Variants in ZDHHC20 observed in about 807,000 individuals in gnomAD.
ZDHHC20 encodes zDHHC palmitoyltransferase 20, also known as palmitoyltransferase ZDHHC20.
In ZDHHC20, 43 loss-of-function variants were observed where a neutral mutation model predicts 57.8. The ratio of observed to expected loss-of-function variants is 0.74; its 90% CI spans 0.58 to 0.96. ZDHHC20 has a LOEUF of 0.96. ZDHHC20 is among the 40% of genes least tolerant of loss of function. The probability of loss-of-function intolerance (pLI) is 0.00; values close to 1 mark genes in which losing one functional copy is unlikely to be tolerated. For missense variants in ZDHHC20, 391 were observed against 441.1 expected, an observed-to-expected ratio of 0.89 and a Z score of 1.02; for synonymous variants, 157 against 153.0, an observed-to-expected ratio of 1.03 and a Z score of -0.19.
rs1340553763 is a variant in ZDHHC20 at position 21,374,859 on chromosome 13, C to G, written c.*1837G>C. Reference sequence around the variant, plus strand: ...CTCCAAAAAATTTACCGGGGCGGGGCGTGGTGGCTCACGCCTGTAATCCCA... The same window carrying G: ...CTCCAAAAAATTTACCGGGGCGGGGGGTGGTGGCTCACGCCTGTAATCCCA... On this transcript the variant is annotated 3_prime_UTR_variant, in exon 13 of 13. Transcript: ENST00000400590. 3.3e-6 allele frequency: 1 copy of G among 302,724 alleles called. No homozygotes were observed. Among genetic ancestry groups the G allele is most frequent in the Admixed American group, 4.7e-5 (1 of 21,098 alleles). The allele number at this position is 302,724 out of a possible 1,614,324, so 18.8% of individuals were successfully genotyped here.
At chr13:21,416,322 C>G (rs1160713311) in intron 3 of ZDHHC20, among the ~76,000 whole-genome samples, 1 of 151,130 alleles carries the variant, frequency 6.6e-6, no homozygotes. Context: ...AATATTCAAA[C>G]AGATCATAAT....
intron 1 of ZDHHC20, among the ~76,000 whole-genome samples, chr13:21,434,299 C>T (rs3858749): frequency 0.53 from 81,276 of 151,986 alleles, 23,761 homozygotes; most frequent in Non-Finnish European, 0.68. Flanking sequence ...AATTAGAATA[C>T]CCCATATTGC....
At chr13:21,424,710 CAAA>C (rs10709528) in intron 2 of ZDHHC20, among the ~76,000 whole-genome samples, 3 of 125,056 alleles carry the variant, frequency 2.4e-5, no homozygotes, top group Non-Finnish European at 1.7e-5. Context: ...GACTCTGTCT[CAAA>C]AAAAAAAAAA....
At chr13:21,386,259 A>C (rs1276435153) in intron 9 of ZDHHC20, among the ~76,000 whole-genome samples, 1 of 152,220 alleles carries the variant, frequency 6.6e-6, no homozygotes, top group Non-Finnish European at 1.5e-5. Flanking sequence ...TAACATGTGT[A>C]ATTGGAGTCC....
At chr13:21,450,824 A>G (rs1290023088) in intron 1 of ZDHHC20, among the ~76,000 whole-genome samples, 6 of 151,306 alleles carry the variant, frequency 4.0e-5, no homozygotes, top group Admixed American at 1.3e-4. Flanking sequence ...GTGTGATCAT[A>G]GCTCACTGCA....
chr13:21,422,038 A>G (rs1182960320), intron 2 of ZDHHC20, among the ~76,000 whole-genome samples: 1 of 152,190 alleles, frequency 6.6e-6, no homozygotes, highest in African/African-American at 2.4e-5. Flanking sequence ...TACTTATTTC[A>G]GTAAAGTTAG....
chr13:21,372,656 A>G lies in ZDHHC20; in HGVS notation c.*4040T>C, dbSNP rs1309198999. 1.3e-5 allele frequency: 2 copies of G among 152,228 alleles called. No individual in the cohort carries two copies. Among genetic ancestry groups the G allele is most frequent in the African/African-American group, 4.8e-5 (2 of 41,468 alleles). The allele number at this position is 152,228 out of a possible 1,614,324, so 9.4% of individuals were successfully genotyped here. On this transcript the variant is annotated 3_prime_UTR_variant, in exon 13 of 13. Transcript: ENST00000400590. ...TTTTAAAATGTTCTGTGTACATGTC[A>G]ATGTAGGTTAGGCCAGCCAAAAGAC...
At chr13:21,411,153 G>A (rs751554588) in intron 4 of ZDHHC20, among the ~76,000 whole-genome samples, 15 of 152,144 alleles carry the variant, frequency 9.9e-5, no homozygotes, top group Admixed American at 3.3e-4. Context: ...GTGAGGCGAC[G>A]CCCTACCCTG....
Position 21,376,370 on chromosome 13 carries a change from T to A in ZDHHC20, c.*326A>T. On this transcript the variant is annotated 3_prime_UTR_variant, in exon 13 of 13. Coordinates refer to ENST00000400590, the MANE Select transcript of ZDHHC20 (RefSeq NM_001330059.2). ...GGTATCAAAAAATACATATGCATGT[T>A]AAAATGTGATGACAGCTCATATTAT... 4.3e-6 allele frequency: 1 copy of A among 233,180 alleles called. No homozygotes were observed. The highest frequency in any genetic ancestry group is 8.3e-6 in the Non-Finnish European group (1 of 120,456). 14.4% of individuals were successfully genotyped at this position (233,180 alleles called of 1,614,324 possible). A position where few individuals can be genotyped will look rare whatever the true frequency, so the allele number is the denominator to read the frequency against.
intron 7 of ZDHHC20, among the ~76,000 whole-genome samples, chr13:21,392,385 T>A (rs1372372701): frequency 6.6e-6 from 1 of 152,254 alleles, no homozygotes; most frequent in Admixed American, 6.5e-5. Context: ...TTATTTAGAT[T>A]TGCTGCTAAC....
chr13:21,444,433 G>A (rs9506681), intron 1 of ZDHHC20, among the ~76,000 whole-genome samples: 26,250 of 151,986 alleles, frequency 0.17, 2,739 homozygotes, highest in Non-Finnish European at 0.25. Context: ...ATAATTTAAA[G>A]GCACTGAAGT....
intron 12 of ZDHHC20, among the ~76,000 whole-genome samples, chr13:21,378,325 G>A (rs1171064052): frequency 6.6e-6 from 1 of 152,120 alleles, no homozygotes. Context: ...CTCCCAAAGT[G>A]CTGGAATTAG....
At chr13:21,425,990 T>C (rs2137928356) in intron 1 of ZDHHC20, among the ~76,000 whole-genome samples, 1 of 152,312 alleles carries the variant, frequency 6.6e-6, no homozygotes, top group South Asian at 2.1e-4. Flanking sequence ...ATCTGCAGAA[T>C]GAACAGAACT....
intron 1 of ZDHHC20, among the ~76,000 whole-genome samples, chr13:21,451,159 A>G (rs1038138533): frequency 2.0e-5 from 3 of 152,234 alleles, no homozygotes; most frequent in African/African-American, 7.2e-5. Flanking sequence ...CCATGTCGGC[A>G]TAATTTCAAA....
At chr13:21,439,876 G>A (rs936191520) in intron 1 of ZDHHC20, among the ~76,000 whole-genome samples, 7 of 151,988 alleles carry the variant, frequency 4.6e-5, no homozygotes, top group African/African-American at 1.7e-4. Flanking sequence ...AGACCAGCCT[G>A]GCCAACATGG....
chr13:21,440,483 C>T (rs979801371), intron 1 of ZDHHC20, among the ~76,000 whole-genome samples: 10 of 151,858 alleles, frequency 6.6e-5, no homozygotes, highest in Admixed American at 2.0e-4. Flanking sequence ...TGGTGGCACA[C>T]GCCTGTAGTT....
chr13:21,383,043 T>C (rs1312434687), intron 9 of ZDHHC20, 34 bp from the exon 10 acceptor site: 6 of 1,521,002 alleles, frequency 3.9e-6, no homozygotes, highest in Admixed American at 2.0e-5. Flanking sequence ...ATTTAAATAA[T>C]GTTAAGTTAA....
At chr13:21,415,246 T>C (rs11148106) in intron 3 of ZDHHC20, among the ~76,000 whole-genome samples, 38,463 of 152,126 alleles carry the variant, frequency 0.25, 5,799 homozygotes, top group South Asian at 0.34. Context: ...AACAGTAAAA[T>C]ACGGGTCTTC....
chr13:21,410,711 C>G (rs1042555173), intron 4 of ZDHHC20, among the ~76,000 whole-genome samples: 1 of 152,218 alleles, frequency 6.6e-6, no homozygotes, highest in Non-Finnish European at 1.5e-5. Flanking sequence ...GCCCCTCCCC[C>G]CACCAAGCTC....
Sources: allele counts gnomAD v4.1 joint callset (sites outside exome capture counted in the v4.1 genomes callset), GRCh38; gene constraint gnomAD v4.1.1; transcripts MANE v1.5; gene names NCBI Gene and HGNC (gene_info 2026-07-23, HGNC 2026-07-21).